PPDPFL: variants seen among roughly 807,000 people sequenced by gnomAD.
The protein encoded by PPDPFL is pancreatic progenitor cell differentiation and proliferation factor-like protein.
Under a neutral mutation model 12.6 loss-of-function variants are expected in PPDPFL, and 12 were observed. The ratio of observed to expected loss-of-function variants is 0.95; its 90% confidence interval spans 0.61 to 1.54. The LOEUF (loss-of-function observed/expected upper bound fraction) is 1.54. Ranked by LOEUF, PPDPFL falls within the 40% of genes most tolerant of loss-of-function variation. PPDPFL has a pLI of 0.00. For missense variants in PPDPFL, 114 were observed against 96.0 expected (o/e 1.19, Z -0.78); for synonymous variants, 24 against 32.7 (o/e 0.73, Z 0.91).
At position 49,075,729 on chromosome 8, in the gene PPDPFL, A is replaced by G. The variant is rs1563302957; in HGVS notation, c.*556A>G. ...ATTGTAAAAATTCAATTTTTTTAAA[A>G]GAATGAAGGTTGGAAATAGCATATG... On this transcript the variant is annotated 3_prime_UTR_variant, in exon 5 of 5. Coordinates refer to ENST00000522267, the MANE Select transcript of PPDPFL (RefSeq NM_001256597.2). 5.8e-6 allele frequency: 1 copy of G among 171,822 alleles called. No homozygotes were observed. Among genetic ancestry groups the G allele is most frequent in the Non-Finnish European group, 1.3e-5 (1 of 79,604 alleles). The allele number at this position is 171,822 out of a possible 1,614,324, so 10.6% of individuals were successfully genotyped here.
At chr8:49,063,138 A>G (rs536126516) in intron 1 of PPDPFL, among the ~76,000 whole-genome samples, 2 of 152,330 alleles carry the variant, frequency 1.3e-5, no homozygotes, top group East Asian at 3.9e-4. Context: ...GGCGGTATGT[A>G]TAGGAGCCCT....
chr8:49,057,398 G>A (rs531949376), intron 1 of PPDPFL, among the ~76,000 whole-genome samples: 1 of 152,050 alleles, frequency 6.6e-6, no homozygotes, highest in Admixed American at 6.6e-5. Flanking sequence ...AACTATTTCA[G>A]TATATTCCCA....
At chr8:49,059,059 C>T (rs1808154847) in intron 1 of PPDPFL, among the ~76,000 whole-genome samples, 1 of 152,180 alleles carries the variant, frequency 6.6e-6, no homozygotes, top group African/African-American at 2.4e-5. Context: ...TGGACACATT[C>T]CCTGAGAACA....
At chr8:49,069,162 G>A (rs772052358), upstream of PPDPFL, among the ~76,000 whole-genome samples, 33 of 152,180 alleles carry the variant, frequency 2.2e-4, no homozygotes, top group East Asian at 1.2e-3. Flanking sequence ...TATTATAATC[G>A]TGATTATTGC....
rs1013504048 is a variant in PPDPFL at position 49,076,046 on chromosome 8, A to G, written c.*873A>G. ...TATCTCCCAATTTTTCTAATATGAC[A>G]AGTATTGTGCGTAATTAGAAAATAA... On this transcript the variant is annotated 3_prime_UTR_variant, in exon 5 of 5. Transcript: ENST00000522267. 1 of 152,150 alleles carries G rather than the reference A, an allele frequency of 6.6e-6. No homozygotes were observed. Among genetic ancestry groups the G allele is most frequent in the African/African-American group, 2.4e-5 (1 of 41,432 alleles). 9.4% of individuals were successfully genotyped at this position (152,150 alleles called of 1,614,324 possible). A position where few individuals can be genotyped will look rare whatever the true frequency, so the allele number is the denominator to read the frequency against.
rs770666371 is a variant in PPDPFL, at chr8:49,074,577, G to A, written c.233+244G>A. 2.0e-6 allele frequency: 3 copies of A among 1,536,290 alleles called. No individual in the cohort carries two copies. In the South Asian group the frequency reaches 3.6e-5, roughly 18 times the overall value. On this transcript the variant is annotated intron_variant, in intron 4 of 4. Coordinates refer to ENST00000522267, the MANE Select transcript of PPDPFL (RefSeq NM_001256597.2). ...CTCAAGAGTGGTGGAGAAGTCATAT[G>A]CCAAACTGTGTCATTGTTTGGCGGG...
chr8:49,073,982 G>A, intron 2 of PPDPFL, 77 bp from the exon 3 acceptor site: 1 of 940,196 alleles, frequency 1.1e-6, no homozygotes, highest in Non-Finnish European at 1.7e-6. Flanking sequence ...CTACTTGACA[G>A]TTTGTATATA....
At position 49,075,206 on chromosome 8, in the gene PPDPFL, T is replaced by C. The variant is rs1349079687; in HGVS notation, c.*33T>C. On this transcript the variant is annotated 3_prime_UTR_variant, in exon 5 of 5. Coordinates refer to ENST00000522267, the MANE Select transcript of PPDPFL (RefSeq NM_001256597.2). ...TCTTTGCACTGCCATTTGATGAACA[T>C]GTTGGTAACGGTTGCCTGCCTTATG... The C allele has an allele frequency of 5.6e-6, 9 of 1,613,984 alleles. No homozygotes were observed. Among genetic ancestry groups the C allele is most frequent in the Non-Finnish European group, 6.8e-6 (8 of 1,179,866 alleles).
chr8:49,060,191 A>G (rs1192316512), intron 1 of PPDPFL, among the ~76,000 whole-genome samples: 1 of 152,158 alleles, frequency 6.6e-6, no homozygotes, highest in Admixed American at 6.5e-5. Flanking sequence ...AATAAATAAC[A>G]TATAATTTAA....
chr8:49,063,944 C>T (rs537529197), intron 1 of PPDPFL, among the ~76,000 whole-genome samples: 1 of 152,232 alleles, frequency 6.6e-6, no homozygotes, highest in Admixed American at 6.5e-5. Context: ...GTGACATGTA[C>T]AAAATGCTAC....
chr8:49,063,041 A>G (rs1808238649), intron 1 of PPDPFL, among the ~76,000 whole-genome samples: 1 of 152,210 alleles, frequency 6.6e-6, no homozygotes, highest in South Asian at 2.1e-4. Flanking sequence ...ATTGAAGTAC[A>G]TGACATTTTG....
intron 1 of PPDPFL, among the ~76,000 whole-genome samples, chr8:49,055,322 G>A (rs1160285602): frequency 6.6e-6 from 1 of 152,130 alleles, no homozygotes; most frequent in East Asian, 1.9e-4. Flanking sequence ...GCAGTTGCAA[G>A]GTCCTCCTTC....
At chr8:49,057,099 T>C (rs1808122545) in intron 1 of PPDPFL, among the ~76,000 whole-genome samples, 1 of 152,186 alleles carries the variant, frequency 6.6e-6, no homozygotes, top group Non-Finnish European at 1.5e-5. Flanking sequence ...TTGTGACATA[T>C]GTGCAAGTTA....
intron 1 of PPDPFL, among the ~76,000 whole-genome samples, chr8:49,064,439 A>G (rs1184492119): frequency 6.6e-6 from 1 of 152,120 alleles, no homozygotes. Context: ...TTTTCCCAGA[A>G]AAAGAACCAA....
chr8:49,059,787 T>G (rs1808168405), intron 1 of PPDPFL, among the ~76,000 whole-genome samples: 1 of 152,246 alleles, frequency 6.6e-6, no homozygotes, highest in African/African-American at 2.4e-5. Context: ...AAAACTATCT[T>G]ACTATGTTAT....
At chr8:49,061,917 A>G (rs1204722982) in intron 1 of PPDPFL, among the ~76,000 whole-genome samples, 6 of 152,214 alleles carry the variant, frequency 3.9e-5, no homozygotes, top group Non-Finnish European at 7.3e-5. Context: ...TTTGAATCAC[A>G]AGATTGTCCC....
chr8:49,058,608 A>T (rs1238733841), intron 1 of PPDPFL, among the ~76,000 whole-genome samples: 5 of 152,238 alleles, frequency 3.3e-5, no homozygotes, highest in African/African-American at 9.6e-5. Flanking sequence ...TATTTTGTTT[A>T]GACCAATATT....
At chr8:49,061,669 C>G (rs1808206641) in intron 1 of PPDPFL, among the ~76,000 whole-genome samples, 2 of 152,040 alleles carry the variant, frequency 1.3e-5, no homozygotes, top group African/African-American at 4.8e-5. Flanking sequence ...GAAAATCTGC[C>G]AGAGGAGAGT....
upstream of PPDPFL, among the ~76,000 whole-genome samples, chr8:49,070,695 G>T (rs540230515): frequency 3.9e-5 from 6 of 152,018 alleles, no homozygotes; most frequent in African/African-American, 1.4e-4. Flanking sequence ...AAGGAAGGAC[G>T]GTCAGGTGAA....
Sources: gnomAD v4.1 joint callset for allele counts (sites outside exome capture counted in the v4.1 genomes callset) on GRCh38, gnomAD v4.1.1 for gene constraint, MANE v1.5 for transcripts, NCBI Gene and HGNC (gene_info 2026-07-23, HGNC 2026-07-21) for gene names.